The following GC variants were observed in gnomAD, a reference collection of about 807,000 sequenced individuals.
GC encodes vitamin D-binding protein.
Under a neutral mutation model 56.7 loss-of-function variants are expected in GC, and 43 were observed. That is an observed-to-expected ratio of 0.76 (90% CI 0.59 to 0.98). GC has a LOEUF of 0.98. Among genes scored for constraint, GC ranks in the 50% least tolerant of loss-of-function variants. The pLI is 0.00. For synonymous variants in GC, 216 were observed against 202.7 expected (o/e 1.07, Z -0.56); for missense variants, 529 against 545.9 (o/e 0.97, Z 0.31).
chr4:71,785,653 G>A (rs1220236266), upstream of GC, among the ~76,000 whole-genome samples: 2 of 151,710 alleles, frequency 1.3e-5, no homozygotes, highest in Admixed American at 1.3e-4. Context: ...CTGTCCAAGA[G>A]CCAACTCTAT....
chr4:71,780,998 A>G (rs1159317303), intron 1 of GC, among the ~76,000 whole-genome samples: 4 of 152,168 alleles, frequency 2.6e-5, no homozygotes, highest in Admixed American at 6.6e-5. Flanking sequence ...ATGTCCATCA[A>G]TGATAGACCG....
chr4:71,768,842 A>G (rs1742257816), intron 2 of GC, among the ~76,000 whole-genome samples: 5 of 152,200 alleles, frequency 3.3e-5, no homozygotes, highest in Admixed American at 2.6e-4. Context: ...TATTGTACAC[A>G]TTTACTTCTT....
intron 1 of GC, among the ~76,000 whole-genome samples, chr4:71,773,647 T>C (rs982756328): frequency 1.3e-5 from 2 of 152,042 alleles, no homozygotes; most frequent in African/African-American, 4.8e-5. Flanking sequence ...CACTAAAACC[T>C]AATTTGGCTC....
At chr4:71,765,745 A>C in intron 3 of GC, 102 bp from the exon 4 acceptor site, 3 of 714,330 alleles carry the variant, frequency 4.2e-6, no homozygotes, top group Non-Finnish European at 2.4e-6. Flanking sequence ...GAAAATTCTC[A>C]TTTATAACTA....
intron 1 of GC, among the ~76,000 whole-genome samples, chr4:71,782,950 A>C (rs904407590): frequency 2.0e-5 from 3 of 151,804 alleles, no homozygotes; most frequent in African/African-American, 7.2e-5. Context: ...TAGCTTACTT[A>C]AGAATTGATG....
intron 6 of GC, among the ~76,000 whole-genome samples, chr4:71,759,210 C>T (rs924621868): frequency 8.6e-5 from 13 of 152,038 alleles, no homozygotes; most frequent in African/African-American, 2.7e-4. Context: ...GGGTTGCTTC[C>T]ACCTCTTGGT....
chr4:71,773,464 T>A (rs1447805168), intron 1 of GC, among the ~76,000 whole-genome samples: 1 of 152,090 alleles, frequency 6.6e-6, no homozygotes, highest in Non-Finnish European at 1.5e-5. Context: ...TGAGGCTTAC[T>A]TTGTGCCAGG....
At chr4:71,778,075 C>T (rs1314789801) in intron 1 of GC, among the ~76,000 whole-genome samples, 2 of 151,854 alleles carry the variant, frequency 1.3e-5, no homozygotes, top group East Asian at 3.9e-4. Context: ...CATAGGAATT[C>T]AGCTGCATCA....
rs73827378 is a variant in GC, at chr4:71,741,918, G to A, written c.*26-48C>T. ...TTTATGTTAGAAAAACAGAGCTAAT[G>A]GGCAACAACCATAATATTGCTCAAC... On this transcript the variant is annotated intron_variant, in intron 12 of 12. Coordinates refer to ENST00000273951, the MANE Select transcript of GC (RefSeq NM_000583.4). The A allele has an allele frequency of 1.3e-3, 907 of 702,420 alleles. 7 individuals carry two copies. In the African/African-American group the frequency reaches 0.014, roughly 11 times the overall value. 43.5% of individuals were successfully genotyped at this position (702,420 alleles called of 1,614,324 possible).
At position 71,754,455 on chromosome 4, in the gene GC, T is replaced by A. The variant is rs116677297; in HGVS notation, c.1218A>T (p.Leu406=). The A allele has an allele frequency of 3.3e-4, 530 of 1,595,152 alleles. 1 individual carries two copies. The African/African-American group carries it at 6.4e-3, about 19-fold the overall frequency. ...ATGTATTTTCTGAATAATCTGCACATAGTTCTTGTCCCTTGTCAATGAAAG... is the reference window on the plus strand; with the variant it reads ...ATGTATTTTCTGAATAATCTGCACAAAGTTCTTGTCCCTTGTCAATGAAAG... ...LSSFIDKGQE[L]CADYSENTFT... The change falls in exon 10 of 13, where the codon CTA becomes CTT. Residue 406 remains leucine, a synonymous_variant. Coordinates refer to ENST00000273951, the MANE Select transcript of GC (RefSeq NM_000583.4).
At chr4:71,799,893 A>G (rs1743208380) in intron 1 of GC, among the ~76,000 whole-genome samples, 1 of 152,184 alleles carries the variant, frequency 6.6e-6, no homozygotes. Context: ...AGCTGTGAGG[A>G]GCCCTCCTGG....
At chr4:71,756,961 C>T in intron 7 of GC, 47 bp from the exon 8 acceptor site, 1 of 1,283,022 alleles carries the variant, frequency 7.8e-7, no homozygotes, top group Non-Finnish European at 1.1e-6. Flanking sequence ...TCCTGATAGT[C>T]TAATTAAAAA....
At chr4:71,805,179 GAA>G (rs1228810183), upstream of GC, among the ~76,000 whole-genome samples, 1 of 152,084 alleles carries the variant, frequency 6.6e-6, no homozygotes, top group Non-Finnish European at 1.5e-5. Flanking sequence ...TTGAGCCTGG[GAA>G]ACCCAGGCTT....
Position 71,752,645 on chromosome 4 carries a change from G to A in GC, c.1268C>T (p.Ala423Val). The A allele has an allele frequency of 1.2e-6, 2 of 1,612,494 alleles. No homozygotes were observed. The highest frequency in any genetic ancestry group is 1.7e-6 in the Non-Finnish European group (2 of 1,178,842). Residue 423 changes from alanine to valine, a missense_variant, in exon 11 of 13, where the codon GCA becomes GTA. Coordinates refer to ENST00000273951, the MANE Select transcript of GC (RefSeq NM_000583.4). ...AGGCAATTTTGCTTTTAGTCGCTCTGCCAGTCTGAAAAACCATTTAAATGT... is the reference window on the plus strand; with the variant it reads ...AGGCAATTTTGCTTTTAGTCGCTCTACCAGTCTGAAAAACCATTTAAATGT... ...NTFTEYKKKL[A>V]ERLKAKLPDA...
In GC at chr4:71,764,179, AC is replaced by A. The variant is rs779728665; in HGVS notation, c.474-244del. ...TAATTTCTTGTATAAATTAGGTCTC[AC>A]TAATTGTCCCAGGTTGGTCTTGAAC... On this transcript the variant is annotated intron_variant, in intron 4 of 12. Coordinates refer to ENST00000273951, the MANE Select transcript of GC (RefSeq NM_000583.4). Among the ~76,000 whole-genome samples the A allele has an allele frequency of 8.6e-5, 13 of 151,992 alleles. 1 individual carries two copies. Among genetic ancestry groups the A allele is most frequent in the Admixed American group, 3.9e-4 (6 of 15,244 alleles).
chr4:71,768,681 G>T (rs1742250693), intron 2 of GC, among the ~76,000 whole-genome samples: 1 of 152,156 alleles, frequency 6.6e-6, no homozygotes, highest in South Asian at 2.1e-4. Flanking sequence ...GGCCAGGATG[G>T]TCTAGATCTC....
intron 11 of GC, among the ~76,000 whole-genome samples, chr4:71,750,292 T>C (rs542158886): frequency 8.5e-5 from 13 of 152,352 alleles, no homozygotes; most frequent in African/African-American, 2.6e-4. Context: ...GTTCTCATAA[T>C]GCAGCTACCT....
intron 3 of GC, among the ~76,000 whole-genome samples, chr4:71,766,560 C>T (rs888521996): frequency 6.6e-6 from 1 of 152,132 alleles, no homozygotes; most frequent in Admixed American, 6.6e-5. Flanking sequence ...GGAAACAGTA[C>T]TTTGACATTC....
intron 1 of GC, among the ~76,000 whole-genome samples, chr4:71,774,517 T>A (rs1742445092): frequency 6.6e-6 from 1 of 151,924 alleles, no homozygotes; most frequent in African/African-American, 2.4e-5. Flanking sequence ...AGGGGGAGGT[T>A]TGCCTCTTCC....
Sources: allele counts gnomAD v4.1 joint callset (sites outside exome capture counted in the v4.1 genomes callset), GRCh38; gene constraint gnomAD v4.1.1; transcripts MANE v1.5; gene names NCBI Gene and HGNC (gene_info 2026-07-23, HGNC 2026-07-21).